Variants in LRFN5 observed in about 807,000 individuals in gnomAD.
LRFN5 encodes the protein leucine rich repeat and fibronectin type III domain containing 5.
Under a neutral mutation model 45.6 loss-of-function variants are expected in LRFN5, and 24 were observed. The ratio of observed to expected loss-of-function variants is 0.53; its 90% CI spans 0.38 to 0.74. The LOEUF (loss-of-function observed/expected upper bound fraction) is 0.74. LRFN5 is among the 30% of genes least tolerant of loss of function. The pLI, the probability that LRFN5 is intolerant of heterozygous loss-of-function variation, is 0.00. For missense variants in LRFN5, 776 were observed against 861.5 expected (o/e 0.90, Z 1.24); for synonymous variants, 340 against 313.8 (o/e 1.08, Z -0.88).
At chr14:41,671,779 C>T (rs952047493) in intron 1 of LRFN5, among the ~76,000 whole-genome samples, 5 of 151,886 alleles carry the variant, frequency 3.3e-5, no homozygotes, top group East Asian at 3.9e-4. Context: ...CCATCATGCC[C>T]GGCTAATTTT....
intron 3 of LRFN5, among the ~76,000 whole-genome samples, chr14:41,890,608 G>C (rs1890744206): frequency 6.6e-6 from 1 of 151,632 alleles, no homozygotes; most frequent in Non-Finnish European, 1.5e-5. Context: ...TCGGCAGGCT[G>C]AGGCAGGAGA....
rs574181697 is a variant in LRFN5, at chr14:41,827,486, G to A, written c.-20-59120G>A. Among the ~76,000 whole-genome samples the A allele has an allele frequency of 7.9e-5, 12 of 151,882 alleles. No individual in the cohort carries two copies. In the East Asian group the frequency reaches 1.7e-3, roughly 22 times the overall value. The stretch of plus-strand genomic sequence containing the variant: ...TAAGTATATATTTTTATTTGCTAGA[G>A]GAAATATCAAGCCACATACACTGAA... On this transcript the variant is annotated intron_variant, in intron 2 of 5. Coordinates refer to ENST00000298119, the MANE Select transcript of LRFN5 (RefSeq NM_152447.5).
At chr14:41,706,119 A>G (rs1197728525) in intron 1 of LRFN5, among the ~76,000 whole-genome samples, 1 of 150,244 alleles carries the variant, frequency 6.7e-6, no homozygotes, top group Non-Finnish European at 1.5e-5. Flanking sequence ...TTTTTTTTTG[A>G]CACAGAGTTT....
chr14:41,647,982 A>G (rs1223763579), intron 1 of LRFN5, among the ~76,000 whole-genome samples: 2 of 152,238 alleles, frequency 1.3e-5, no homozygotes, highest in African/African-American at 4.8e-5. Context: ...TGGCCAATTT[A>G]ACATTTTGAG....
At chr14:41,857,297 A>C (rs1387171823) in intron 2 of LRFN5, among the ~76,000 whole-genome samples, 1 of 152,168 alleles carries the variant, frequency 6.6e-6, no homozygotes, top group Non-Finnish European at 1.5e-5. Context: ...GAGCCCAAAT[A>C]ATTTGGCCCA....
intron 1 of LRFN5, among the ~76,000 whole-genome samples, chr14:41,698,396 G>GT (rs984241112): frequency 3.6e-4 from 55 of 152,138 alleles, no homozygotes; most frequent in Middle Eastern, 3.4e-3. Flanking sequence ...GCCAAATGAT[G>GT]TTTTTTGCAC....
intron 2 of LRFN5, among the ~76,000 whole-genome samples, chr14:41,768,125 CTTTTA>C (rs2138884931): frequency 6.6e-6 from 1 of 152,106 alleles, no homozygotes; most frequent in East Asian, 1.9e-4. Context: ...AATGAACCCA[CTTTTA>C]TTTTGCGACA....
chr14:41,649,692 C>T (rs982566184), intron 1 of LRFN5, among the ~76,000 whole-genome samples: 33 of 152,158 alleles, frequency 2.2e-4, no homozygotes, highest in African/African-American at 6.8e-4. Context: ...ACCTGATCAC[C>T]CTGGTCTGTC....
intron 2 of LRFN5, among the ~76,000 whole-genome samples, chr14:41,801,279 A>G (rs1032171236): frequency 6.6e-6 from 1 of 152,144 alleles, no homozygotes; most frequent in South Asian, 2.1e-4. Flanking sequence ...AGGATTAAGT[A>G]TATGTATGTT....
At chr14:41,730,052 A>C (rs372976379) in intron 1 of LRFN5, among the ~76,000 whole-genome samples, 1 of 152,032 alleles carries the variant, frequency 6.6e-6, no homozygotes, top group East Asian at 1.9e-4. Context: ...TAATCTGTAC[A>C]TGTTTGCCAA....
At chr14:41,622,648 A>G (rs1168253145) in intron 1 of LRFN5, among the ~76,000 whole-genome samples, 3 of 152,124 alleles carry the variant, frequency 2.0e-5, no homozygotes, top group Non-Finnish European at 4.4e-5. Flanking sequence ...TTTTAAAATG[A>G]AATAAAATAT....
chr14:41,804,066 G>T (rs1887434601), intron 2 of LRFN5, among the ~76,000 whole-genome samples: 1 of 152,050 alleles, frequency 6.6e-6, no homozygotes. Context: ...GTTTCACCAT[G>T]TTGGCTAGGC....
intron 1 of LRFN5, among the ~76,000 whole-genome samples, chr14:41,697,802 G>A (rs765230201): frequency 2.0e-5 from 3 of 151,640 alleles, no homozygotes; most frequent in South Asian, 2.1e-4. Flanking sequence ...AAATAATGGT[G>A]TGTTTACATT....
chr14:41,817,724 T>C (rs574399033), intron 2 of LRFN5, among the ~76,000 whole-genome samples: 1 of 152,050 alleles, frequency 6.6e-6, no homozygotes, highest in Non-Finnish European at 1.5e-5. Flanking sequence ...GCACCAAGAG[T>C]TTTCTCTAGT....
At chr14:41,719,373 A>C (rs940042985) in intron 1 of LRFN5, among the ~76,000 whole-genome samples, 1 of 152,142 alleles carries the variant, frequency 6.6e-6, no homozygotes, top group African/African-American at 2.4e-5. Context: ...AAATATAAAA[A>C]TGATGACTAC....
intron 1 of LRFN5, among the ~76,000 whole-genome samples, chr14:41,718,578 G>A (rs948620216): frequency 5.9e-5 from 9 of 152,090 alleles, no homozygotes; most frequent in East Asian, 3.9e-4. Flanking sequence ...TTTTGAATTC[G>A]TTTCTCATGC....
chr14:41,626,871 C>T (rs1888353613), intron 1 of LRFN5, among the ~76,000 whole-genome samples: 1 of 152,042 alleles, frequency 6.6e-6, no homozygotes, highest in African/African-American at 2.4e-5. Flanking sequence ...GAAAAAAACA[C>T]TGAATTCCAC....
At chr14:41,790,982 G>A (rs372274194) in intron 2 of LRFN5, among the ~76,000 whole-genome samples, 3 of 151,654 alleles carry the variant, frequency 2.0e-5, no homozygotes, top group African/African-American at 7.3e-5. Flanking sequence ...AGAGAAATGT[G>A]TATTAAAATA....
At chr14:41,611,587 G>A (rs867486083) in intron 1 of LRFN5, among the ~76,000 whole-genome samples, 1 of 152,224 alleles carries the variant, frequency 6.6e-6, no homozygotes, top group Admixed American at 6.5e-5. Context: ...GTGAAAAGAA[G>A]TTGTCACTTG....
Sources: allele counts gnomAD v4.1 joint callset (sites outside exome capture counted in the v4.1 genomes callset), GRCh38; gene constraint gnomAD v4.1.1; transcripts MANE v1.5; gene names NCBI Gene and HGNC (gene_info 2026-07-23, HGNC 2026-07-21).